Variants in NOS1AP observed in about 807,000 individuals in gnomAD.
NOS1AP encodes carboxyl-terminal PDZ ligand of neuronal nitric oxide synthase protein.
In NOS1AP, 21 loss-of-function variants were observed where a neutral mutation model predicts 56.2. The observed-to-expected ratio is 0.37, with a 90% CI of 0.26 to 0.54. The LOEUF is 0.54. NOS1AP is among the 20% of genes least tolerant of loss of function. The pLI is 0.84. For missense variants in NOS1AP, 522 were observed against 657.8 expected, an observed-to-expected ratio of 0.79 and a Z score of 2.26; for synonymous variants, 270 against 274.6, an observed-to-expected ratio of 0.98 and a Z score of 0.17.
intron 2 of NOS1AP, among the ~76,000 whole-genome samples, chr1:162,185,331 G>A (rs1158691055): frequency 1.3e-5 from 2 of 152,226 alleles, no homozygotes; most frequent in African/African-American, 4.8e-5. Flanking sequence ...GGAGGATGCA[G>A]CTTGTAATAC....
At chr1:162,214,031 G>A (rs1432801460) in intron 2 of NOS1AP, among the ~76,000 whole-genome samples, 1 of 152,182 alleles carries the variant, frequency 6.6e-6, no homozygotes, top group Non-Finnish European at 1.5e-5. Context: ...GTAGAAGTTT[G>A]TGGTCCCTGC....
chr1:162,111,361 GC>G (rs1647703210), intron 1 of NOS1AP, among the ~76,000 whole-genome samples: 1 of 152,216 alleles, frequency 6.6e-6, no homozygotes, highest in Non-Finnish European at 1.5e-5. Flanking sequence ...CATGGATAGA[GC>G]TCCCCACATC....
At chr1:162,356,272 T>C (rs997787335) in intron 7 of NOS1AP, among the ~76,000 whole-genome samples, 2 of 152,170 alleles carry the variant, frequency 1.3e-5, no homozygotes, top group Non-Finnish European at 2.9e-5. Context: ...CTATGAATCG[T>C]AGAAGCCATC....
At position 162,253,413 on chromosome 1, in the gene NOS1AP, C is replaced by T. The variant is rs192458286; in HGVS notation, c.178-33931C>T. ...TTGAGCCTTCAAGTTAAGTCTGTTT[C>T]TCATGGGTGAAGCCAAGGGTGGTTA... On this transcript the variant is annotated intron_variant, in intron 2 of 9. Coordinates refer to ENST00000361897, the MANE Select transcript of NOS1AP (RefSeq NM_014697.3). 2.2e-4 allele frequency among the ~76,000 whole-genome samples: 34 copies of T among 152,312 alleles called. No homozygotes were observed. In the East Asian group the frequency reaches 6.0e-3, roughly 27 times the overall value.
At chr1:162,346,992 A>C (rs1405506984) in intron 6 of NOS1AP, among the ~76,000 whole-genome samples, 1 of 152,204 alleles carries the variant, frequency 6.6e-6, no homozygotes, top group African/African-American at 2.4e-5. Context: ...GGGCTTAGAG[A>C]TAAAACAGAG....
At chr1:162,097,961 A>G (rs1692285418) in intron 1 of NOS1AP, among the ~76,000 whole-genome samples, 1 of 151,974 alleles carries the variant, frequency 6.6e-6, no homozygotes, top group South Asian at 2.1e-4. Flanking sequence ...TTGAATTTAT[A>G]GAATAATTTT....
chr1:162,137,680 A>G (rs568360011), intron 1 of NOS1AP, among the ~76,000 whole-genome samples: 7 of 151,874 alleles, frequency 4.6e-5, no homozygotes, highest in African/African-American at 1.7e-4. Flanking sequence ...TGTCTGACGG[A>G]TGAAAAAACT....
intron 4 of NOS1AP, among the ~76,000 whole-genome samples, chr1:162,315,234 A>G (rs1656193112): frequency 6.6e-6 from 1 of 152,220 alleles, no homozygotes; most frequent in African/African-American, 2.4e-5. Flanking sequence ...CCCAAAGGTA[A>G]ATAAAGATTG....
chr1:162,355,919 T>C (rs1571241858), intron 7 of NOS1AP, among the ~76,000 whole-genome samples: 1 of 152,294 alleles, frequency 6.6e-6, no homozygotes. Flanking sequence ...TGTGATCCAA[T>C]TAAGAAACTA....
At chr1:162,268,560 C>CA (rs1429177395) in intron 2 of NOS1AP, among the ~76,000 whole-genome samples, 2 of 151,966 alleles carry the variant, frequency 1.3e-5, no homozygotes, top group African/African-American at 4.8e-5. Flanking sequence ...ACGGGCAGCC[C>CA]AAAATCCCAG....
At chr1:162,273,454 C>A (rs900285563) in intron 2 of NOS1AP, among the ~76,000 whole-genome samples, 1 of 152,132 alleles carries the variant, frequency 6.6e-6, no homozygotes, top group Non-Finnish European at 1.5e-5. Context: ...CGTGAGCCAC[C>A]GCGCCCGGCC....
At chr1:162,251,210 A>T (rs1373401244) in intron 2 of NOS1AP, among the ~76,000 whole-genome samples, 1 of 152,198 alleles carries the variant, frequency 6.6e-6, no homozygotes. Flanking sequence ...GTCTGAGTAC[A>T]GCAATATGGT....
chr1:162,148,562 T>A (rs1426174891), intron 1 of NOS1AP, among the ~76,000 whole-genome samples: 1 of 152,190 alleles, frequency 6.6e-6, no homozygotes, highest in Non-Finnish European at 1.5e-5. Context: ...TGTGAGAAGA[T>A]ACGGTGTGAT....
rs569829934 is a variant in NOS1AP at position 162,354,572 on chromosome 1, C to T, written c.596-615C>T. Among the ~76,000 whole-genome samples, 14 of 152,338 alleles carry T rather than the reference C, an allele frequency of 9.2e-5. No homozygotes were observed. In the South Asian group the frequency reaches 2.9e-3, roughly 32 times the overall value. On this transcript the variant is annotated intron_variant, in intron 6 of 9. Transcript: ENST00000361897. ...GCCACCCCATCTCTCTCCTCCTCCC[C>T]GTGCCACTTCCTGCAGGCGTCTTCC...
chr1:162,144,815 C>T (rs1399366848), intron 1 of NOS1AP, among the ~76,000 whole-genome samples: 9 of 152,080 alleles, frequency 5.9e-5, no homozygotes, highest in Admixed American at 1.3e-4. Flanking sequence ...TTTGCTGTAC[C>T]CCTCAGATCC....
intron 2 of NOS1AP, among the ~76,000 whole-genome samples, chr1:162,227,947 G>A (rs912393680): frequency 6.6e-6 from 1 of 152,110 alleles, no homozygotes; most frequent in Non-Finnish European, 1.5e-5. Flanking sequence ...TTAGAGTATC[G>A]GAGAAAGACA....
chr1:162,168,998 T>C (rs1650638404), intron 2 of NOS1AP, among the ~76,000 whole-genome samples: 1 of 152,178 alleles, frequency 6.6e-6, no homozygotes, highest in Non-Finnish European at 1.5e-5. Context: ...CAGAGAGCCA[T>C]GCTGGGAAAT....
intron 1 of NOS1AP, among the ~76,000 whole-genome samples, chr1:162,129,412 C>A (rs1158778444): frequency 1.3e-5 from 2 of 152,154 alleles, no homozygotes; most frequent in Non-Finnish European, 2.9e-5. Context: ...CTGCTCAGAC[C>A]AGTCCTGTCC....
chr1:162,312,411 C>G (rs1656067849), intron 4 of NOS1AP, among the ~76,000 whole-genome samples: 12 of 127,582 alleles, frequency 9.4e-5, no homozygotes, highest in African/African-American at 3.6e-4. Context: ...ATGTCCTTCG[C>G]CCACTTTTTG....
Sources: allele counts gnomAD v4.1 joint callset (sites outside exome capture counted in the v4.1 genomes callset), GRCh38; gene constraint gnomAD v4.1.1; transcripts MANE v1.5; gene names NCBI Gene and HGNC (gene_info 2026-07-23, HGNC 2026-07-21).